Variants in KCNH1 observed in about 807,000 individuals in gnomAD.
KCNH1 encodes the protein potassium voltage-gated channel subfamily H member 1, also known as voltage-gated delayed rectifier potassium channel KCNH1.
In KCNH1, 27 loss-of-function variants were observed where a neutral mutation model predicts 69.2. The observed-to-expected ratio is 0.39, with a 90% CI of 0.29 to 0.54. KCNH1 has a LOEUF of 0.54. KCNH1 is among the 20% of genes least tolerant of loss of function. The pLI, the probability that KCNH1 is intolerant of heterozygous loss-of-function variation, is 0.68. For synonymous variants in KCNH1, 456 were observed against 487.7 expected (o/e 0.93, Z 0.86); for missense variants, 798 against 1,261.6 (o/e 0.63, Z 5.57).
chr1:210,866,689 T>A (rs1686117514), intron 7 of KCNH1, among the ~76,000 whole-genome samples: 1 of 152,122 alleles, frequency 6.6e-6, no homozygotes, highest in East Asian at 1.9e-4. Context: ...GAAAACAGTT[T>A]AGCAGTTCCT....
intron 4 of KCNH1, among the ~76,000 whole-genome samples, chr1:211,087,444 G>C (rs953705949): frequency 6.6e-6 from 1 of 151,968 alleles, no homozygotes; most frequent in African/African-American, 2.4e-5. Context: ...AAACCTGCTG[G>C]CTCAGAAGAC....
At chr1:210,786,785 A>G (rs1232285396) in intron 9 of KCNH1, among the ~76,000 whole-genome samples, 1 of 152,198 alleles carries the variant, frequency 6.6e-6, no homozygotes, top group Non-Finnish European at 1.5e-5. Context: ...CATCCCAGTG[A>G]AGTCATCCAA....
rs1433728079 is a variant in KCNH1 at position 210,861,959 on chromosome 1, G to A, written c.1462+57681C>T. The A allele has an allele frequency of 4.0e-6, 3 of 759,362 alleles. No homozygotes were observed. In the East Asian group the frequency reaches 7.3e-5, roughly 19 times the overall value. 47.0% of individuals were successfully genotyped at this position (759,362 alleles called of 1,614,324 possible). ...GTGATGTGATGAATGCATGTAGTAA[G>A]CTGTACCCTGATGAGCTCAGGAGGA... On this transcript the variant is annotated intron_variant, in intron 7 of 10. Transcript: ENST00000271751.
chr1:210,850,063 A>G (rs1685650518), intron 7 of KCNH1, among the ~76,000 whole-genome samples: 1 of 152,204 alleles, frequency 6.6e-6, no homozygotes, highest in South Asian at 2.1e-4. Context: ...CATGAGCAAA[A>G]CTAGATAGAA....
chr1:210,925,235 A>G (rs1687543620), intron 6 of KCNH1, among the ~76,000 whole-genome samples: 1 of 152,240 alleles, frequency 6.6e-6, no homozygotes, highest in Non-Finnish European at 1.5e-5. Context: ...GATTGACTGG[A>G]ATTAAGATGG....
chr1:210,955,950 G>C (rs1688166620), intron 6 of KCNH1, among the ~76,000 whole-genome samples: 1 of 152,128 alleles, frequency 6.6e-6, no homozygotes, highest in South Asian at 2.1e-4. Context: ...TTGAATAGGA[G>C]TGGTGAGAGA....
At chr1:211,111,038 G>C (rs1196420986) in intron 1 of KCNH1, among the ~76,000 whole-genome samples, 1 of 151,924 alleles carries the variant, frequency 6.6e-6, no homozygotes, top group Non-Finnish European at 1.5e-5. Flanking sequence ...TTGTAAACAT[G>C]AACTTACTGA....
chr1:211,021,310 A>T (rs12074042), intron 5 of KCNH1, among the ~76,000 whole-genome samples: 9,495 of 151,682 alleles, frequency 0.063, 430 homozygotes, highest in East Asian at 0.17. Flanking sequence ...CTATGGAAAT[A>T]AAAAAAAATT....
At chr1:211,036,330 G>A (rs1689896522) in intron 5 of KCNH1, among the ~76,000 whole-genome samples, 1 of 152,162 alleles carries the variant, frequency 6.6e-6, no homozygotes, top group Non-Finnish European at 1.5e-5. Context: ...GAGGCCTGAT[G>A]GTTGGTTTCC....
At chr1:210,903,206 C>T (rs937263427) in intron 7 of KCNH1, among the ~76,000 whole-genome samples, 1 of 152,128 alleles carries the variant, frequency 6.6e-6, no homozygotes, top group African/African-American at 2.4e-5. Flanking sequence ...CCACTTCTTC[C>T]TTTGGAAGTC....
At chr1:210,985,992 G>A (rs1558554620) in intron 6 of KCNH1, among the ~76,000 whole-genome samples, 2 of 152,184 alleles carry the variant, frequency 1.3e-5, no homozygotes, top group Non-Finnish European at 2.9e-5. Flanking sequence ...ATATATTTAT[G>A]ATAGTTAGCT....
At chr1:210,704,320 C>T (rs570362650) in intron 10 of KCNH1, among the ~76,000 whole-genome samples, 72 of 152,212 alleles carry the variant, frequency 4.7e-4, no homozygotes, top group African/African-American at 1.1e-3. Context: ...ACAATCGCCA[C>T]GCCTAGAAGA....
At chr1:210,735,125 T>C (rs1418057015) in intron 10 of KCNH1, among the ~76,000 whole-genome samples, 2 of 152,126 alleles carry the variant, frequency 1.3e-5, no homozygotes, top group African/African-American at 2.4e-5. Context: ...TGCTGACTGC[T>C]CTGGCTGGAA....
intron 7 of KCNH1, among the ~76,000 whole-genome samples, chr1:210,854,666 G>T (rs1009259124): frequency 6.6e-6 from 1 of 152,194 alleles, no homozygotes; most frequent in Admixed American, 6.5e-5. Flanking sequence ...TGGGCATTGT[G>T]GCCATGGTTA....
intron 5 of KCNH1, among the ~76,000 whole-genome samples, chr1:211,036,299 C>T (rs770704805): frequency 7.2e-5 from 11 of 152,152 alleles, no homozygotes; most frequent in Admixed American, 1.3e-4. Context: ...TGGTGAGTTT[C>T]AGCTCCTTGA....
intron 6 of KCNH1, among the ~76,000 whole-genome samples, chr1:211,011,373 A>T (rs551046961): frequency 6.6e-6 from 1 of 152,126 alleles, no homozygotes; most frequent in Admixed American, 6.5e-5. Flanking sequence ...TATCCAGTCT[A>T]TCATTGATGG....
At chr1:210,739,247 T>C (rs1682959179) in intron 10 of KCNH1, among the ~76,000 whole-genome samples, 2 of 152,200 alleles carry the variant, frequency 1.3e-5, no homozygotes, top group African/African-American at 4.8e-5. Flanking sequence ...AGAAGTGAAG[T>C]AGGAGACTGT....
At chr1:211,056,411 C>T (rs1038400058) in intron 5 of KCNH1, among the ~76,000 whole-genome samples, 5 of 152,102 alleles carry the variant, frequency 3.3e-5, no homozygotes, top group East Asian at 1.9e-4. Flanking sequence ...TTCATGACTC[C>T]GGGCCCTGGC....
chr1:210,955,477 G>A (rs969676794), intron 6 of KCNH1, among the ~76,000 whole-genome samples: 2 of 152,116 alleles, frequency 1.3e-5, no homozygotes, highest in African/African-American at 4.8e-5. Flanking sequence ...CATTGAATCT[G>A]TAAATTATCT....
Sources: gnomAD v4.1 joint callset for allele counts (sites outside exome capture counted in the v4.1 genomes callset) on GRCh38, gnomAD v4.1.1 for gene constraint, MANE v1.5 for transcripts, NCBI Gene and HGNC (gene_info 2026-07-23, HGNC 2026-07-21) for gene names.